Variants in ANHX observed in about 807,000 individuals in gnomAD.
ANHX encodes anomalous homeobox protein.
ANHX carries 20 observed loss-of-function variants against 38.9 expected under a neutral mutation model. The observed-to-expected ratio is 0.51, with a 90% CI of 0.36 to 0.75. The LOEUF is 0.75. Among genes scored for constraint, ANHX ranks in the 30% least tolerant of loss-of-function variants. The pLI is 0.00. For synonymous variants in ANHX, 185 were observed against 203.1 expected, an observed-to-expected ratio of 0.91 and a Z score of 0.76; for missense variants, 475 against 493.1, an observed-to-expected ratio of 0.96 and a Z score of 0.35.
intron 7 of ANHX, among the ~76,000 whole-genome samples, chr12:133,223,981 G>A (rs1957149646): frequency 6.6e-6 from 1 of 152,136 alleles, no homozygotes; most frequent in Admixed American, 6.6e-5. Flanking sequence ...GACATTTTTA[G>A]AACAAATGAG....
Position 133,227,055 on chromosome 12 carries a change from T to C in ANHX, c.599A>G (p.Lys200Arg). Residue 200 changes from lysine (K) to arginine (R), a missense_variant, in exon 5 of 10, where the codon AAG becomes AGG. Physicochemically the swap from Lys to Arg is conservative, Grantham distance 26. Transcript: ENST00000545940. ...TTCAGCTGTGGCCTGCTGGGCTGGC[T>C]TCATGTGCTGGGGAAGGGCTCTTTG... ...RRQRALPQHM[K>R]PAQQATAEDP... 1 of 1,536,058 alleles carries C rather than the reference T, an allele frequency of 6.5e-7. No individual in the cohort carries two copies. Among genetic ancestry groups the C allele is most frequent in the Non-Finnish European group, 8.7e-7 (1 of 1,146,856 alleles).
chr12:133,221,437 A>C lies in ANHX; in HGVS notation c.1133-85T>G. ...ACACAACCAAGACCTCAAAGCACGG[A>C]GGCGGATGCAGCCTCCGGCCCAGCC... On this transcript the variant is annotated intron_variant, in intron 7 of 9. Transcript: ENST00000545940. The surrounding 1 kb of genome is among the most constrained non-coding windows in gnomAD (Gnocchi z 4.1). The C allele has an allele frequency of 7.0e-7, 1 of 1,431,282 alleles. No homozygotes were observed. Among genetic ancestry groups the C allele is most frequent in the Non-Finnish European group, 9.2e-7 (1 of 1,084,384 alleles). The allele number at this position is 1,431,282 out of a possible 1,614,324, so 88.7% of individuals were successfully genotyped here.
chr12:133,225,497 C>T (rs1403468897), intron 7 of ANHX, among the ~76,000 whole-genome samples, 39 bp downstream of exon 7: 1 of 152,224 alleles, frequency 6.6e-6, no homozygotes, highest in Non-Finnish European at 1.5e-5. Flanking sequence ...GTCACAGTGT[C>T]TGGTGCTGAA....
At position 133,219,272 on chromosome 12, in the gene ANHX, G is replaced by A; in HGVS notation, c.1365+11C>T. ...AGAGGGAATCCTTCAGTGCTCATAGGGAAGCCTCACCTGGCTGGAGGGCAG... is the reference window on the plus strand; with the variant it reads ...AGAGGGAATCCTTCAGTGCTCATAGAGAAGCCTCACCTGGCTGGAGGGCAG... On this transcript the variant is annotated intron_variant, in intron 9 of 9. Transcript: ENST00000545940. 2 of 1,533,238 alleles carry A rather than the reference G, an allele frequency of 1.3e-6. No individual in the cohort carries two copies. Among genetic ancestry groups the A allele is most frequent in the Non-Finnish European group, 8.7e-7 (1 of 1,145,204 alleles). 95.0% of individuals were successfully genotyped at this position (1,533,238 alleles called of 1,614,324 possible). A position where few individuals can be genotyped will look rare whatever the true frequency, so the allele number is the denominator to read the frequency against.
In ANHX at chr12:133,226,104, G is replaced by A. The variant is rs147862245; in HGVS notation, c.839+214C>T. ...GACATGAACTCAGGTGATGAGTCAG[G>A]CTGCAGGAGCACGTGTGGGTTCAGA... On this transcript the variant is annotated intron_variant, in intron 6 of 9. Transcript: ENST00000545940. 3.2e-3 allele frequency among the ~76,000 whole-genome samples: 487 copies of A among 152,304 alleles called. 2 individuals are homozygous for A. Among genetic ancestry groups the A allele is most frequent in the African/African-American group, 0.01 (436 of 41,564 alleles).
At chr12:133,234,448 C>A (rs1357272076) in intron 1 of ANHX, 70 bp from the exon 2 acceptor site, 5 of 1,469,462 alleles carry the variant, frequency 3.4e-6, no homozygotes, top group Non-Finnish European at 2.7e-6. Context: ...ATCGCCCAAC[C>A]CACTCTGCAA....
Position 133,231,435 on chromosome 12 carries a change from T to G in ANHX, c.377+82A>C, listed in dbSNP as rs143920299. 357 of 1,510,942 alleles carry G rather than the reference T, an allele frequency of 2.4e-4. No homozygotes were observed. The East Asian group carries it at 6.4e-3, about 27-fold the overall frequency. 93.6% of individuals were successfully genotyped at this position (1,510,942 alleles called of 1,614,324 possible). A position where few individuals can be genotyped will look rare whatever the true frequency, so the allele number is the denominator to read the frequency against. On this transcript the variant is annotated intron_variant, in intron 3 of 9. Coordinates refer to ENST00000545940, the MANE Select transcript of ANHX (RefSeq NM_001372060.1). ...CCTATCTCCTCACCTCCACTTTGCTTCAGCCCCTCTGGGCTTTGCATGGTA... is the reference window on the plus strand; with the variant it reads ...CCTATCTCCTCACCTCCACTTTGCTGCAGCCCCTCTGGGCTTTGCATGGTA...
At chr12:133,229,823 A>C (rs1957243318) in intron 3 of ANHX, among the ~76,000 whole-genome samples, 1 of 152,174 alleles carries the variant, frequency 6.6e-6, no homozygotes, top group Admixed American at 6.5e-5. Flanking sequence ...AGGGTGAGCG[A>C]ATCCATTCCA....
intron 1 of ANHX, chr12:133,234,653 T>C (rs1957337789): frequency 5.0e-6 from 2 of 399,490 alleles, no homozygotes; most frequent in South Asian, 5.1e-5. Context: ...GCTCCTCCAC[T>C]GCTCTGGGCT....
At chr12:133,235,308 A>AG in intron 1 of ANHX, 1 of 151,948 alleles carries the variant, frequency 6.6e-6, no homozygotes, top group Admixed American at 6.5e-5. Flanking sequence ...CGGCTCTGGG[A>AG]GGGGCGGGGT....
chr12:133,232,775 T>A (rs1566411605), intron 2 of ANHX, among the ~76,000 whole-genome samples: 1 of 152,162 alleles, frequency 6.6e-6, no homozygotes, highest in Non-Finnish European at 1.5e-5. Context: ...TCTCGTTTGT[T>A]TACTTCATTT....
intron 3 of ANHX, among the ~76,000 whole-genome samples, chr12:133,231,174 C>T (rs537184006): frequency 2.8e-3 from 429 of 152,280 alleles, no homozygotes; most frequent in African/African-American, 9.5e-3. Flanking sequence ...CCCAATAGCC[C>T]CCTTTCTGGC....
intron 1 of ANHX, chr12:133,234,581 T>G: frequency 1.7e-6 from 1 of 587,734 alleles, no homozygotes; most frequent in Non-Finnish European, 2.9e-6. Flanking sequence ...ATCCCCCAAA[T>G]ACTTTAGTCC....
At position 133,231,752 on chromosome 12, in the gene ANHX, G is replaced by T. The variant is rs543442943; in HGVS notation, c.250-108C>A. The stretch of plus-strand genomic sequence containing the variant: ...CTCAGCCTTGGGGAAGGCAGTGATG[G>T]GAAGAGCAGGGTTCTGGGTTCAAAT... On this transcript the variant is annotated intron_variant, in intron 2 of 9. Coordinates refer to ENST00000545940, the MANE Select transcript of ANHX (RefSeq NM_001372060.1). 133 of 1,347,326 alleles carry T rather than the reference G, an allele frequency of 9.9e-5. No homozygotes were observed. In the East Asian group the frequency reaches 2.3e-3, roughly 23 times the overall value. The allele number at this position is 1,347,326 out of a possible 1,614,324, so 83.5% of individuals were successfully genotyped here.
intron 5 of ANHX, 72 bp downstream of exon 5, chr12:133,226,864 C>A: frequency 7.3e-7 from 1 of 1,368,740 alleles, no homozygotes; most frequent in Non-Finnish European, 9.6e-7. Context: ...AGCAGTGTGA[C>A]TACCTAGGCC....
rs760795167 is a variant in ANHX at position 133,227,291 on chromosome 12, C to A, written c.502-139G>T. The stretch of plus-strand genomic sequence containing the variant: ...TAACCTCTCCAAGGACAGCAGAGAG[C>A]GGTGAGCATGAGCAGAACATGCAGG... On this transcript the variant is annotated intron_variant, in intron 4 of 9. Coordinates refer to ENST00000545940, the MANE Select transcript of ANHX (RefSeq NM_001372060.1). 1.4e-5 allele frequency: 13 copies of A among 940,862 alleles called. No individual in the cohort carries two copies. The Admixed American group carries it at 2.5e-4, about 18-fold the overall frequency. The allele number at this position is 940,862 out of a possible 1,614,324, so 58.3% of individuals were successfully genotyped here. A position where few individuals can be genotyped will look rare whatever the true frequency, so the allele number is the denominator to read the frequency against.
At chr12:133,229,344 C>T (rs578052604) in intron 3 of ANHX, among the ~76,000 whole-genome samples, 4 of 152,272 alleles carry the variant, frequency 2.6e-5, no homozygotes, top group African/African-American at 9.6e-5. Flanking sequence ...GGTGTGTCAT[C>T]CCAGTGCCTA....
At chr12:133,226,871 G>C in intron 5 of ANHX, 65 bp downstream of exon 5, 3 of 1,410,458 alleles carry the variant, frequency 2.1e-6, no homozygotes, top group Non-Finnish European at 2.8e-6. Context: ...TGACTACCTA[G>C]GCCTGGCCCT....
At position 133,218,978 on chromosome 12, in the gene ANHX, G is replaced by C. The variant is rs1451781130; in HGVS notation, c.1366-7C>G. The stretch of plus-strand genomic sequence containing the variant: ...GGCTATCAGAACACTGCACCTGGAA[G>C]ACAACACAGTGGTAAACACAGAGGC... On this transcript the variant is annotated splice_polypyrimidine_tract_variant and splice_region_variant and intron_variant, in intron 9 of 9. Transcript: ENST00000545940. 1 of 1,532,500 alleles carries C rather than the reference G, an allele frequency of 6.5e-7. No individual in the cohort carries two copies. Among genetic ancestry groups the C allele is most frequent in the African/African-American group, 1.4e-5 (1 of 72,948 alleles). The allele number at this position is 1,532,500 out of a possible 1,614,324, so 94.9% of individuals were successfully genotyped here.
Sources: allele counts gnomAD v4.1 joint callset (sites outside exome capture counted in the v4.1 genomes callset), GRCh38; gene constraint gnomAD v4.1.1; non-coding constraint Gnocchi (gnomAD v3.1); transcripts MANE v1.5; gene names NCBI Gene and HGNC (gene_info 2026-07-23, HGNC 2026-07-21).